Variants in RASSF5 observed in about 807,000 individuals in gnomAD.
RASSF5 encodes ras association domain-containing protein 5.
RASSF5 carries 25 observed loss-of-function variants against 40.5 expected under a neutral mutation model. That is an observed-to-expected ratio of 0.62 (90% CI 0.45 to 0.86). RASSF5 has a LOEUF of 0.86. Ranked by LOEUF, RASSF5 falls within the 40% of genes least tolerant of loss-of-function variation. RASSF5 has a pLI of 0.00. For missense variants in RASSF5, 521 were observed against 572.8 expected (o/e 0.91, Z 0.92); for synonymous variants, 246 against 252.4 (o/e 0.97, Z 0.24).
At chr1:206,537,059 C>T (rs1667434906) in intron 1 of RASSF5, among the ~76,000 whole-genome samples, 1 of 152,128 alleles carries the variant, frequency 6.6e-6, no homozygotes, top group African/African-American at 2.4e-5. Context: ...CTCCCTGAGT[C>T]TCCTGCTGCC....
chr1:206,537,547 G>A (rs573904848), intron 1 of RASSF5, among the ~76,000 whole-genome samples: 104 of 152,254 alleles, frequency 6.8e-4, no homozygotes, highest in Non-Finnish European at 1.2e-3. Flanking sequence ...GCTTGAGACC[G>A]GAAGTGTTTC....
At chr1:206,538,641 G>A (rs897380713) in intron 2 of RASSF5, among the ~76,000 whole-genome samples, 1 of 152,166 alleles carries the variant, frequency 6.6e-6, no homozygotes, top group Non-Finnish European at 1.5e-5. Flanking sequence ...GGGGATGCTG[G>A]GGCTGAGGCA....
chr1:206,583,286 G>A lies in RASSF5; in HGVS notation c.597G>A (p.Val199=). The A allele has an allele frequency of 1.2e-6, 2 of 1,612,816 alleles. No homozygotes were observed. The highest frequency in any genetic ancestry group is 1.7e-6 in the Non-Finnish European group (2 of 1,178,930). ...TCTTCCAGAATGTCTGTAAACCTGT[G>A]GAGGAGACACAGCGCCCGCCCACAC... ...VTFSQNVCKP[V]EETQRPPTLQ... The change falls in exon 3 of 6, where the codon GTG becomes GTA. Residue 199 remains valine (V), a synonymous_variant. Transcript: ENST00000579436.
At chr1:206,525,283 A>G (rs1241824949) in intron 1 of RASSF5, among the ~76,000 whole-genome samples, 2 of 152,154 alleles carry the variant, frequency 1.3e-5, no homozygotes, top group Non-Finnish European at 2.9e-5. Context: ...AGGGCGCCCA[A>G]CTTCTGCCAG....
intron 2 of RASSF5, among the ~76,000 whole-genome samples, chr1:206,539,011 C>A (rs565162019): frequency 1.3e-5 from 2 of 152,218 alleles, no homozygotes; most frequent in South Asian, 4.1e-4. Context: ...ATGCATTTTG[C>A]AATAAAAGTA....
intron 2 of RASSF5, among the ~76,000 whole-genome samples, chr1:206,576,382 C>A (rs1668660313): frequency 6.6e-6 from 1 of 152,236 alleles, no homozygotes; most frequent in Admixed American, 6.5e-5. Context: ...TGTCTACCTC[C>A]ATCCCTACCC....
At position 206,574,440 on chromosome 1, in the gene RASSF5, G is replaced by T. The variant is rs1668559974; in HGVS notation, c.580-8829G>T. On this transcript the variant is annotated intron_variant, in intron 2 of 5. Transcript: ENST00000579436. ...GCAGTTCATTCAGTTACTACTGGCG[G>T]ACTGTTGACATTGACCATCTGCTCT... Among the ~76,000 whole-genome samples, 3 of 152,186 alleles carry T rather than the reference G, an allele frequency of 2.0e-5. No individual in the cohort carries two copies. The South Asian group carries it at 6.2e-4, about 32-fold the overall frequency.
chr1:206,516,437 A>C (rs1553395400), intron 1 of RASSF5, among the ~76,000 whole-genome samples: 1 of 151,544 alleles, frequency 6.6e-6, no homozygotes, highest in African/African-American at 2.4e-5. Flanking sequence ...TGCATTCGGA[A>C]GGGATTTCCC....
At chr1:206,578,515 A>C (rs1553405631) in intron 2 of RASSF5, among the ~76,000 whole-genome samples, 1 of 152,190 alleles carries the variant, frequency 6.6e-6, no homozygotes. Flanking sequence ...CTTGACAAAT[A>C]AAGTGACTTC....
In RASSF5 at chr1:206,555,503, T is replaced by C. The variant is rs574010382; in HGVS notation, c.579+17210T>C. Among the ~76,000 whole-genome samples the C allele has an allele frequency of 1.7e-4, 25 of 142,896 alleles. No individual in the cohort carries two copies. The South Asian group carries it at 5.6e-3, about 32-fold the overall frequency. The allele number at this position is 142,896 out of a possible 152,430, so 93.7% of individuals were successfully genotyped here. A position where few individuals can be genotyped will look rare whatever the true frequency, so the allele number is the denominator to read the frequency against. On this transcript the variant is annotated intron_variant, in intron 2 of 5. Transcript: ENST00000579436. Reference sequence around the variant, plus strand: ...CAAGGATCACAGGAAACCACCTCTCTGGGGGAAACCCCCCAAACAGCCTCT... The same window carrying C: ...CAAGGATCACAGGAAACCACCTCTCCGGGGGAAACCCCCCAAACAGCCTCT...
At chr1:206,575,463 T>G (rs1299357449) in intron 2 of RASSF5, among the ~76,000 whole-genome samples, 1 of 152,168 alleles carries the variant, frequency 6.6e-6, no homozygotes, top group African/African-American at 2.4e-5. Context: ...GGCTTGGGCT[T>G]GGCTAAGATA....
chr1:206,584,293 CAGGT>C lies in RASSF5; in HGVS notation c.691-93_691-90del. 2.4e-6 allele frequency: 3 copies of C among 1,233,838 alleles called. No individual in the cohort carries two copies. Among genetic ancestry groups the C allele is most frequent in the Non-Finnish European group, 3.4e-6 (3 of 888,606 alleles). The allele number at this position is 1,233,838 out of a possible 1,614,324, so 76.4% of individuals were successfully genotyped here. A position where few individuals can be genotyped will look rare whatever the true frequency, so the allele number is the denominator to read the frequency against. ...AGAGGCAGGAAAGAACTCAAGGAGA[CAGGT>C]GGGTGCTGCTGGGGCAATGGCCCCG... is the stretch of plus-strand genomic sequence containing the variant. On this transcript the variant is annotated intron_variant, in intron 3 of 5. Transcript: ENST00000579436. This position sits in a 1 kb window ranked among gnomAD's most constrained non-coding sequence, Gnocchi z 4.9.
At chr1:206,547,426 T>C (rs560856430) in intron 2 of RASSF5, among the ~76,000 whole-genome samples, 66 of 151,980 alleles carry the variant, frequency 4.3e-4, no homozygotes, top group African/African-American at 1.4e-3. Flanking sequence ...CTGAACCCTA[T>C]TGTGAACTGC....
At chr1:206,550,773 G>A (rs1667818136) in intron 2 of RASSF5, among the ~76,000 whole-genome samples, 1 of 152,198 alleles carries the variant, frequency 6.6e-6, no homozygotes, top group South Asian at 2.1e-4. Flanking sequence ...CTTGCCCTCT[G>A]TAGACACATT....
intron 1 of RASSF5, 140 bp downstream of exon 1, chr1:206,508,199 C>T: frequency 1.6e-6 from 1 of 616,338 alleles, no homozygotes; most frequent in Non-Finnish European, 2.5e-6. Flanking sequence ...AGATAACAAC[C>T]CCTGGGGACA....
Position 206,584,284 on chromosome 1 carries a change from TC to T in RASSF5, c.691-102del, listed in dbSNP as rs1319607299. The T allele has an allele frequency of 1.7e-6, 2 of 1,157,310 alleles. No homozygotes were observed. Among genetic ancestry groups the T allele is most frequent in the African/African-American group, 3.1e-5 (2 of 64,484 alleles). 71.7% of individuals were successfully genotyped at this position (1,157,310 alleles called of 1,614,324 possible). A position where few individuals can be genotyped will look rare whatever the true frequency, so the allele number is the denominator to read the frequency against. ...CACGTCAGCAGAGGCAGGAAAGAAC[TC>T]AAGGAGACAGGTGGGTGCTGCTGGG... On this transcript the variant is annotated intron_variant, in intron 3 of 5. Coordinates refer to ENST00000579436, the MANE Select transcript of RASSF5 (RefSeq NM_182663.4). This position sits in a 1 kb window ranked among gnomAD's most constrained non-coding sequence, Gnocchi z 4.9.
At chr1:206,520,274 C>T (rs970353806) in intron 1 of RASSF5, among the ~76,000 whole-genome samples, 2 of 152,182 alleles carry the variant, frequency 1.3e-5, no homozygotes, top group African/African-American at 2.4e-5. Flanking sequence ...ATCTCACTCA[C>T]AAGACTCCAT....
Position 206,507,911 on chromosome 1 carries a change from G to A in RASSF5, c.309G>A (p.Val103=), listed in dbSNP as rs1666504495. 1 of 1,511,634 alleles carries A rather than the reference G, an allele frequency of 6.6e-7. No homozygotes were observed. The highest frequency in any genetic ancestry group is 8.8e-7 in the Non-Finnish European group (1 of 1,137,756). 93.6% of individuals were successfully genotyped at this position (1,511,634 alleles called of 1,614,324 possible). The change falls in exon 1 of 6, where the codon GTG becomes GTA. Residue 103 remains valine (V), a synonymous_variant. Transcript: ENST00000579436. ...RRPGAPRPRD[V]RSIFEQPQDP... ...CTGGAGCGCCCCGACCCCGCGACGTGCGGAGCATCTTCGAGCAGCCGCAGG... is the reference window on the plus strand; with the variant it reads ...CTGGAGCGCCCCGACCCCGCGACGTACGGAGCATCTTCGAGCAGCCGCAGG...
chr1:206,566,692 G>T (rs73080948), intron 2 of RASSF5, among the ~76,000 whole-genome samples: 4 of 152,180 alleles, frequency 2.6e-5, no homozygotes, highest in African/African-American at 9.7e-5. Context: ...CTGGGAAGGC[G>T]TGGGTTCAGG....
Sources: allele counts gnomAD v4.1 joint callset (sites outside exome capture counted in the v4.1 genomes callset), GRCh38; gene constraint gnomAD v4.1.1; non-coding constraint Gnocchi (gnomAD v3.1); transcripts MANE v1.5; gene names NCBI Gene and HGNC (gene_info 2026-07-23, HGNC 2026-07-21).